PLD5: variants seen among roughly 807,000 people sequenced by gnomAD.
PLD5 encodes phospholipase D family member 5.
PLD5 carries 36 observed loss-of-function variants against 61.1 expected under a neutral mutation model. The observed-to-expected ratio is 0.59, with a 90% CI of 0.45 to 0.78. The LOEUF (loss-of-function observed/expected upper bound fraction) is 0.78. Among genes scored for constraint, PLD5 ranks in the 30% least tolerant of loss-of-function variants. PLD5 has a pLI of 0.00. For missense variants in PLD5, 515 were observed against 644.4 expected, an observed-to-expected ratio of 0.80 and a Z score of 2.17; for synonymous variants, 243 against 242.8, an observed-to-expected ratio of 1.00 and a Z score of -0.01.
At chr1:242,351,863 T>C (rs1429722057) in intron 1 of PLD5, among the ~76,000 whole-genome samples, 1 of 152,228 alleles carries the variant, frequency 6.6e-6, no homozygotes, top group Non-Finnish European at 1.5e-5. Context: ...AGCAACTATA[T>C]AAAACTTGCA....
At chr1:242,505,177 A>C (rs1668682516) in intron 1 of PLD5, among the ~76,000 whole-genome samples, 1 of 152,168 alleles carries the variant, frequency 6.6e-6, no homozygotes, top group African/African-American at 2.4e-5. Context: ...TTAAAAATAA[A>C]ATTTGGAACA....
chr1:242,257,467 C>T (rs1673135811), intron 4 of PLD5, among the ~76,000 whole-genome samples: 2 of 152,172 alleles, frequency 1.3e-5, no homozygotes, highest in South Asian at 4.1e-4. Flanking sequence ...AGAGGCACAG[C>T]CTGGAGGTCC....
At chr1:242,166,853 TCA>T (rs911007940) in intron 5 of PLD5, among the ~76,000 whole-genome samples, 1 of 152,100 alleles carries the variant, frequency 6.6e-6, no homozygotes, top group Admixed American at 6.6e-5. Flanking sequence ...TCTTTAAAAT[TCA>T]CAGACTAGTG....
At chr1:242,513,946 T>C (rs528932629) in intron 1 of PLD5, among the ~76,000 whole-genome samples, 84 of 152,340 alleles carry the variant, frequency 5.5e-4, no homozygotes, top group African/African-American at 2.0e-3. Flanking sequence ...CGGTGCCTCA[T>C]TAGTTTTCTA....
At chr1:242,306,762 C>T (rs1214200327) in intron 2 of PLD5, among the ~76,000 whole-genome samples, 57 of 140,994 alleles carry the variant, frequency 4.0e-4, no homozygotes, top group East Asian at 8.7e-4. Flanking sequence ...CACACACACA[C>T]ACACACACAC....
At chr1:242,438,149 TAA>T (rs1342110695) in intron 1 of PLD5, among the ~76,000 whole-genome samples, 3 of 152,146 alleles carry the variant, frequency 2.0e-5, no homozygotes, top group Non-Finnish European at 4.4e-5. Flanking sequence ...AGTAACTTTT[TAA>T]AAGTCCCTAA....
chr1:242,361,969 A>ATTTT (rs1172656842), intron 1 of PLD5, among the ~76,000 whole-genome samples: 4 of 137,582 alleles, frequency 2.9e-5, no homozygotes, highest in African/African-American at 1.1e-4. Context: ...ACCTCATCTC[A>ATTTT]TTTTTTTTTT....
chr1:242,494,752 C>A (rs1668307567), intron 1 of PLD5, among the ~76,000 whole-genome samples: 1 of 152,170 alleles, frequency 6.6e-6, no homozygotes, highest in Non-Finnish European at 1.5e-5. Context: ...TATCACCAAT[C>A]CTTTCTTTAT....
At chr1:242,430,372 G>A (rs979987765) in intron 1 of PLD5, among the ~76,000 whole-genome samples, 1 of 152,132 alleles carries the variant, frequency 6.6e-6, no homozygotes, top group Non-Finnish European at 1.5e-5. Context: ...GAGAAAAAGA[G>A]CTCTGGTCTC....
rs531085004 is a variant in PLD5 at position 242,423,208 on chromosome 1, A to G, written c.190-74966T>C. 5.3e-5 allele frequency among the ~76,000 whole-genome samples: 8 copies of G among 152,334 alleles called. No individual in the cohort carries two copies. The East Asian group carries it at 1.5e-3, about 29-fold the overall frequency. ...AGGTATCTGCGAAAGGCTAAAATTT[A>G]TAGCCACAAATCAAAACTAAGAAAG... On this transcript the variant is annotated intron_variant, in intron 1 of 9. Transcript: ENST00000536534.
chr1:242,311,319 AG>A (rs1189991208), intron 2 of PLD5, among the ~76,000 whole-genome samples: 1 of 152,228 alleles, frequency 6.6e-6, no homozygotes, highest in Non-Finnish European at 1.5e-5. Context: ...AGCATTTTCA[AG>A]GAGTGCATCC....
At chr1:242,451,708 C>T (rs543273149) in intron 1 of PLD5, among the ~76,000 whole-genome samples, 1 of 152,184 alleles carries the variant, frequency 6.6e-6, no homozygotes, top group South Asian at 2.1e-4. Context: ...GATCCACCTG[C>T]CTCAGCCTCC....
chr1:242,523,385 A>T (rs1031685698), intron 1 of PLD5, among the ~76,000 whole-genome samples: 1 of 151,736 alleles, frequency 6.6e-6, no homozygotes, highest in South Asian at 2.1e-4. Flanking sequence ...TAGGAGCTCA[A>T]CTCCAGAGCC....
chr1:242,152,818 C>T lies in PLD5; in HGVS notation c.736-28153G>A, dbSNP rs533732495. Among the ~76,000 whole-genome samples the T allele has an allele frequency of 4.8e-3, 729 of 152,176 alleles. 7 individuals are homozygous for T. The highest frequency in any genetic ancestry group is 0.014 in the African/African-American group (581 of 41,498). ...GGTGAATAGTGCCACAATAAACATA[C>T]GTGTGCATGTGTCTTTATAGTGGAA... is the stretch of plus-strand genomic sequence containing the variant. On this transcript the variant is annotated intron_variant, in intron 5 of 9. Transcript: ENST00000536534.
intron 2 of PLD5, among the ~76,000 whole-genome samples, chr1:242,315,162 T>C (rs1285721752): frequency 1.3e-5 from 2 of 152,166 alleles, no homozygotes; most frequent in Admixed American, 1.3e-4. Context: ...CAGTGGGGAA[T>C]TTATGCTGTC....
chr1:242,095,751 G>A (rs1465698439), intron 9 of PLD5, among the ~76,000 whole-genome samples: 4 of 152,046 alleles, frequency 2.6e-5, no homozygotes, highest in Non-Finnish European at 4.4e-5. Flanking sequence ...CCTCAATCCT[G>A]TCGTGCCTAA....
intron 1 of PLD5, among the ~76,000 whole-genome samples, chr1:242,413,699 A>G (rs1664676516): frequency 6.6e-6 from 1 of 152,176 alleles, no homozygotes; most frequent in Admixed American, 6.5e-5. Context: ...GAAAAGCTTC[A>G]TGGAGGAAGT....
Position 242,524,154 on chromosome 1 carries a change from G to C in PLD5, c.123C>G (p.Tyr41Ter). Residue 41 changes from tyrosine (Y) to a stop codon, truncating the protein, a stop_gained, in exon 1 of 10, where the codon TAC becomes TAG. Transcript: ENST00000536534. LOFTEE classifies it high-confidence loss of function. ...TGTAGTCCTGCTGCTTGACGCTGCT[G>C]TAGAAGTTCGCGCCCACTCGGGTCA... ...PSLTRVGANF[Y>*]SSVKQQDYSA... 1 of 1,535,624 alleles carries C rather than the reference G, an allele frequency of 6.5e-7. No individual in the cohort carries two copies. The highest frequency in any genetic ancestry group is 8.7e-7 in the Non-Finnish European group (1 of 1,146,628).
chr1:242,360,486 A>T (rs567079874), intron 1 of PLD5, among the ~76,000 whole-genome samples: 1 of 152,232 alleles, frequency 6.6e-6, no homozygotes, highest in South Asian at 2.1e-4. Context: ...TTTGCTTTTA[A>T]CTGTGTTGAA....
Sources: allele counts gnomAD v4.1 joint callset (sites outside exome capture counted in the v4.1 genomes callset), GRCh38; gene constraint gnomAD v4.1.1; transcripts MANE v1.5; gene names NCBI Gene and HGNC (gene_info 2026-07-23, HGNC 2026-07-21).